ABCF2: variants seen among roughly 807,000 people sequenced by gnomAD.
The protein encoded by ABCF2 is ATP binding cassette subfamily F member 2.
A neutral mutation model predicts 76.9 loss-of-function variants in ABCF2; 37 were observed. That is an observed-to-expected ratio of 0.48 (90% confidence interval 0.37 to 0.63). The LOEUF (loss-of-function observed/expected upper bound fraction) is 0.63, where lower values mean the gene tolerates loss of function less well. Ranked by LOEUF, ABCF2 falls within the 30% of genes least tolerant of loss-of-function variation. The pLI, the probability that ABCF2 is intolerant of heterozygous loss-of-function variation, is 0.00. For synonymous variants in ABCF2, 299 were observed against 283.7 expected (o/e 1.05, Z -0.54); for missense variants, 524 against 782.1 (o/e 0.67, Z 3.94).
chr7:151,213,807 AG>A lies in ABCF2; in HGVS notation c.*246del. On this transcript the variant is annotated 3_prime_UTR_variant, in exon 15 of 15. Transcript: ENST00000287844. The stretch of plus-strand genomic sequence containing the variant: ...AGTAAGATAACCAGCAAGGGGCTGG[AG>A]GGAACGGCCAGCCGAGTCCAGACAT... 7.5e-7 allele frequency: 1 copy of A among 1,327,246 alleles called. No homozygotes were observed. The highest frequency in any genetic ancestry group is 9.6e-7 in the Non-Finnish European group (1 of 1,040,890). The allele number at this position is 1,327,246 out of a possible 1,614,324, so 82.2% of individuals were successfully genotyped here. A position where few individuals can be genotyped will look rare whatever the true frequency, so the allele number is the denominator to read the frequency against.
At position 151,213,059 on chromosome 7, in the gene ABCF2, T is replaced by G. The variant is rs1802079152; in HGVS notation, c.*995A>C. 1 of 985,330 alleles carries G rather than the reference T, an allele frequency of 1.0e-6. No individual in the cohort carries two copies. The highest frequency in any genetic ancestry group is 6.2e-5 in the Admixed American group (1 of 16,260). 61.0% of individuals were successfully genotyped at this position (985,330 alleles called of 1,614,324 possible). A position where few individuals can be genotyped will look rare whatever the true frequency, so the allele number is the denominator to read the frequency against. Reference sequence around the variant, plus strand: ...GATTACAGGTGTGAGCCACCGCACCTGGCCTGCATTTTTAACAAGCAGCCC... The same window carrying G: ...GATTACAGGTGTGAGCCACCGCACCGGGCCTGCATTTTTAACAAGCAGCCC... On this transcript the variant is annotated 3_prime_UTR_variant, in exon 15 of 15. Coordinates refer to ENST00000287844, the MANE Select transcript of ABCF2 (RefSeq NM_007189.3).
At chr7:151,221,055 A>G (rs1163647398) in intron 7 of ABCF2, among the ~76,000 whole-genome samples, 3 of 152,268 alleles carry the variant, frequency 2.0e-5, no homozygotes, top group African/African-American at 7.2e-5. Flanking sequence ...GCCACAAGGC[A>G]AACATACACC....
At position 151,223,857 on chromosome 7, in the gene ABCF2, C is replaced by T; in HGVS notation, c.551-8G>A. ...TGAGCTTCTCACACTCCGCTGTGGA[C>T]AGTGTATGGCCATGAGGCTCCTGGG... is the stretch of plus-strand genomic sequence containing the variant. On this transcript the variant is annotated splice_region_variant and splice_polypyrimidine_tract_variant and intron_variant, in intron 4 of 14. Coordinates refer to ENST00000287844, the MANE Select transcript of ABCF2 (RefSeq NM_007189.3). The T allele has an allele frequency of 6.2e-7, 1 of 1,607,108 alleles. No individual in the cohort carries two copies. Among genetic ancestry groups the T allele is most frequent in the Non-Finnish European group, 8.5e-7 (1 of 1,175,102 alleles).
At chr7:151,225,893 C>T (rs1005844716) in intron 2 of ABCF2, among the ~76,000 whole-genome samples, 1 of 152,104 alleles carries the variant, frequency 6.6e-6, no homozygotes, top group African/African-American at 2.4e-5. Context: ...CAGGAAAAAC[C>T]CCATAAATCA....
At chr7:151,216,070 A>C (rs1802144990) in intron 11 of ABCF2, 41 bp from the exon 12 acceptor site, 1 of 1,570,340 alleles carries the variant, frequency 6.4e-7, no homozygotes, top group African/African-American at 1.4e-5. Context: ...GAAACAAAGG[A>C]AGCCCAGTTA....
At position 151,226,665 on chromosome 7, in the gene ABCF2, T is replaced by C. The variant is rs552897819; in HGVS notation, c.-42-165A>G. On this transcript the variant is annotated intron_variant, in intron 1 of 14. Transcript: ENST00000287844. ...ACTTGGTCAGGGTATCCCAAACCAA[T>C]GCCGATTCTCAGCGGCTCTTCTAAT... 61 of 518,020 alleles carry C rather than the reference T, an allele frequency of 1.2e-4. 1 individual carries two copies. The highest frequency in any genetic ancestry group is 1.0e-3 in the African/African-American group (51 of 50,666). 32.1% of individuals were successfully genotyped at this position (518,020 alleles called of 1,614,324 possible). A position where few individuals can be genotyped will look rare whatever the true frequency, so the allele number is the denominator to read the frequency against.
Position 151,215,526 on chromosome 7 carries a change from C to A in ABCF2, c.1530+78G>T. ...TTGGACAGCTTCCAAACCCAGGCTG[C>A]CAGGACAGTATCCCCTGACCCACCC... On this transcript the variant is annotated intron_variant, in intron 13 of 14. Transcript: ENST00000287844. This position sits in a 1 kb window ranked among gnomAD's most constrained non-coding sequence, Gnocchi z 4.6. 1 of 1,572,984 alleles carries A rather than the reference C, an allele frequency of 6.4e-7. No homozygotes were observed. Among genetic ancestry groups the A allele is most frequent in the South Asian group, 1.2e-5 (1 of 86,862 alleles).
Position 151,213,057 on chromosome 7 carries a change from C to T in ABCF2, c.*997G>A, listed in dbSNP as rs551000496. The stretch of plus-strand genomic sequence containing the variant: ...GGGATTACAGGTGTGAGCCACCGCA[C>T]CTGGCCTGCATTTTTAACAAGCAGC... On this transcript the variant is annotated 3_prime_UTR_variant, in exon 15 of 15. Coordinates refer to ENST00000287844, the MANE Select transcript of ABCF2 (RefSeq NM_007189.3). 1.0e-6 allele frequency: 1 copy of T among 985,426 alleles called. No homozygotes were observed. Among genetic ancestry groups the T allele is most frequent in the East Asian group, 1.1e-4 (1 of 8,808 alleles). The allele number at this position is 985,426 out of a possible 1,614,324, so 61.0% of individuals were successfully genotyped here. A position where few individuals can be genotyped will look rare whatever the true frequency, so the allele number is the denominator to read the frequency against.
chr7:151,225,641 TAATA>T (rs1802357489), intron 2 of ABCF2, among the ~76,000 whole-genome samples: 2 of 152,184 alleles, frequency 1.3e-5, no homozygotes, highest in Admixed American at 1.3e-4. Context: ...ATCCAAGAGA[TAATA>T]AATAGTCTGG....
At chr7:151,218,292 G>T in intron 10 of ABCF2, 101 bp from the exon 11 acceptor site, 2 of 886,288 alleles carry the variant, frequency 2.3e-6, no homozygotes, top group Non-Finnish European at 1.8e-6. Flanking sequence ...AAGAGAGGAG[G>T]AAGGGAGAGT....
intron 3 of ABCF2, 45 bp from the exon 4 acceptor site, chr7:151,224,159 A>G (rs749819935): frequency 1.3e-6 from 2 of 1,590,578 alleles, no homozygotes; most frequent in South Asian, 2.3e-5. Context: ...GAACTCCCCT[A>G]TCCCTCTTCA....
At position 151,213,710 on chromosome 7, in the gene ABCF2, C is replaced by T. The variant is rs1476643225; in HGVS notation, c.*344G>A. 3.7e-6 allele frequency: 4 copies of T among 1,078,952 alleles called. No individual in the cohort carries two copies. In the African/African-American group the frequency reaches 6.7e-5, roughly 18 times the overall value. The allele number at this position is 1,078,952 out of a possible 1,614,324, so 66.8% of individuals were successfully genotyped here. A position where few individuals can be genotyped will look rare whatever the true frequency, so the allele number is the denominator to read the frequency against. On this transcript the variant is annotated 3_prime_UTR_variant, in exon 15 of 15. Coordinates refer to ENST00000287844, the MANE Select transcript of ABCF2 (RefSeq NM_007189.3). ...ACCCAGAAAACGAGGATCCTAAGCT[C>T]CTCCGCAGGCCAAATCCAGGGCTTG...
At chr7:151,220,521 T>C (rs951691728) in intron 7 of ABCF2, among the ~76,000 whole-genome samples, 1 of 152,132 alleles carries the variant, frequency 6.6e-6, no homozygotes, top group Non-Finnish European at 1.5e-5. Flanking sequence ...CTCCTATGAC[T>C]ATGAATGAAG....
At position 151,224,985 on chromosome 7, in the gene ABCF2, A is replaced by G; in HGVS notation, c.158T>C (p.Val53Ala). The G allele has an allele frequency of 6.2e-7, 1 of 1,613,924 alleles. No individual in the cohort carries two copies. Among genetic ancestry groups the G allele is most frequent in the South Asian group, 1.1e-5 (1 of 91,078 alleles). The change falls in exon 3 of 15, where the codon GTA (valine) becomes GCA (alanine). Residue 53 changes from valine (V) to alanine (A), a missense_variant. Physicochemically the swap from Val to Ala is moderately conservative, Grantham distance 64. This residue lies in a region of ABCF2 where 330 missense variants were observed against 433.6 expected (regional missense o/e 0.76). Transcript: ENST00000287844. ...NEANGRETTE[V>A]DLLTKELEDF... Reference sequence around the variant, plus strand: ...CTCTAGCTCCTTGGTCAGCAAATCTACTTCTGCGGATAGAAAAGCAGTTTG... The same window carrying G: ...CTCTAGCTCCTTGGTCAGCAAATCTGCTTCTGCGGATAGAAAAGCAGTTTG...
At position 151,213,105 on chromosome 7, in the gene ABCF2, A is replaced by C; in HGVS notation, c.*949T>G. ...AGCCCAACTGCTGTGCAGTTGGGGCAGAACCTCAGATCACAATCAGAAAAC... is the reference window on the plus strand; with the variant it reads ...AGCCCAACTGCTGTGCAGTTGGGGCCGAACCTCAGATCACAATCAGAAAAC... On this transcript the variant is annotated 3_prime_UTR_variant, in exon 15 of 15. Coordinates refer to ENST00000287844, the MANE Select transcript of ABCF2 (RefSeq NM_007189.3). The C allele has an allele frequency of 1.0e-6, 1 of 985,350 alleles. No individual in the cohort carries two copies. Among genetic ancestry groups the C allele is most frequent in the Non-Finnish European group, 1.2e-6 (1 of 829,848 alleles). The allele number at this position is 985,350 out of a possible 1,614,324, so 61.0% of individuals were successfully genotyped here. A position where few individuals can be genotyped will look rare whatever the true frequency, so the allele number is the denominator to read the frequency against.
At chr7:151,220,566 G>C (rs1342460417) in intron 7 of ABCF2, among the ~76,000 whole-genome samples, 1 of 152,124 alleles carries the variant, frequency 6.6e-6, no homozygotes, top group African/African-American at 2.4e-5. Flanking sequence ...CATGCTTTTT[G>C]AAATATAAAA....
chr7:151,226,168 A>T, intron 2 of ABCF2, 137 bp downstream of exon 2: 2 of 1,062,168 alleles, frequency 1.9e-6, no homozygotes, highest in Non-Finnish European at 2.7e-6. Context: ...TTCCAACTCT[A>T]CTGATTTGAT....
chr7:151,224,214 T>C, intron 3 of ABCF2, 100 bp from the exon 4 acceptor site: 2 of 1,268,598 alleles, frequency 1.6e-6, no homozygotes, highest in Non-Finnish European at 2.2e-6. Flanking sequence ...TCATCCATTT[T>C]TTTTTTTTTG....
chr7:151,215,896 T>C lies in ABCF2; in HGVS notation c.1401+71A>G. The C allele has an allele frequency of 6.3e-7, 1 of 1,590,574 alleles. No individual in the cohort carries two copies. The highest frequency in any genetic ancestry group is 1.3e-5 in the African/African-American group (1 of 74,384). On this transcript the variant is annotated intron_variant, in intron 12 of 14. Coordinates refer to ENST00000287844, the MANE Select transcript of ABCF2 (RefSeq NM_007189.3). This position sits in a 1 kb window ranked among gnomAD's most constrained non-coding sequence, Gnocchi z 4.6. ...CTGCCAGGGGGTGGGGGCGGCTGGC[T>C]GGAACTCAGCCAGATACAGCCCCTC... is the stretch of plus-strand genomic sequence containing the variant.
Sources: gnomAD v4.1 joint callset for allele counts (sites outside exome capture counted in the v4.1 genomes callset) on GRCh38, gnomAD v4.1.1 for gene constraint, gnomAD v4.1.1 regional missense constraint, Gnocchi (gnomAD v3.1) non-coding constraint, MANE v1.5 for transcripts, NCBI Gene and HGNC (gene_info 2026-07-23, HGNC 2026-07-21) for gene names.